LRRC8D: variants seen among roughly 807,000 people sequenced by gnomAD.
The protein encoded by LRRC8D is volume-regulated anion channel subunit LRRC8D.
In LRRC8D, 20 loss-of-function variants were observed where a neutral mutation model predicts 55.8. That is an observed-to-expected ratio of 0.36 (90% CI 0.25 to 0.52). LRRC8D has a LOEUF of 0.52. Ranked by LOEUF, LRRC8D falls within the 20% of genes least tolerant of loss-of-function variation. The pLI, the probability that LRRC8D is intolerant of heterozygous loss-of-function variation, is 0.93. For synonymous variants in LRRC8D, 352 were observed against 377.0 expected (o/e 0.93, Z 0.77); for missense variants, 651 against 1,030.8 (o/e 0.63, Z 5.05).
intron 2 of LRRC8D, among the ~76,000 whole-genome samples, chr1:89,879,622 A>G (rs1022299825): frequency 7.9e-5 from 12 of 152,206 alleles, no homozygotes; most frequent in African/African-American, 2.9e-4. Context: ...TTCTTAAATC[A>G]TAGGTGAATG....
At chr1:89,840,085 G>T (rs1570808642) in intron 1 of LRRC8D, among the ~76,000 whole-genome samples, 1 of 152,214 alleles carries the variant, frequency 6.6e-6, no homozygotes, top group African/African-American at 2.4e-5. Flanking sequence ...TACTTAGGGA[G>T]TGGAGACTTT....
chr1:89,882,070 A>C (rs1042245440), intron 2 of LRRC8D, among the ~76,000 whole-genome samples: 6 of 152,210 alleles, frequency 3.9e-5, no homozygotes, highest in African/African-American at 1.4e-4. Context: ...CACTGCCATC[A>C]GAGTTAGGAC....
intron 1 of LRRC8D, among the ~76,000 whole-genome samples, chr1:89,822,950 A>G (rs1660676395): frequency 1.3e-5 from 2 of 152,218 alleles, no homozygotes; most frequent in Admixed American, 1.3e-4. Flanking sequence ...TAGGTGGTTA[A>G]AACAGGGGTC....
chr1:89,873,621 T>G (rs1226665531), intron 2 of LRRC8D, among the ~76,000 whole-genome samples: 1 of 152,172 alleles, frequency 6.6e-6, no homozygotes, highest in East Asian at 1.9e-4. Context: ...AACTGAAGAG[T>G]TAAAATATGA....
intron 2 of LRRC8D, among the ~76,000 whole-genome samples, chr1:89,921,060 C>T (rs895217050): frequency 6.6e-6 from 1 of 152,186 alleles, no homozygotes; most frequent in Non-Finnish European, 1.5e-5. Context: ...GTAGTTAATT[C>T]ATGCCTACAT....
chr1:89,908,935 G>C (rs1170819186), intron 2 of LRRC8D, among the ~76,000 whole-genome samples: 1 of 152,130 alleles, frequency 6.6e-6, no homozygotes, highest in African/African-American at 2.4e-5. Flanking sequence ...TTTTAAACCA[G>C]TGGAAAATAC....
chr1:89,908,364 CTAAG>C (rs1431798502), intron 2 of LRRC8D, among the ~76,000 whole-genome samples: 1 of 152,180 alleles, frequency 6.6e-6, no homozygotes, highest in African/African-American at 2.4e-5. Context: ...CTGAGCGAGA[CTAAG>C]TATTTCAACC....
intron 2 of LRRC8D, among the ~76,000 whole-genome samples, chr1:89,891,638 C>G (rs1295303275): frequency 6.6e-6 from 1 of 152,104 alleles, no homozygotes; most frequent in Non-Finnish European, 1.5e-5. Context: ...TGGAATTCTG[C>G]TTTAAGAAAG....
chr1:89,915,836 AATAG>A (rs1204408292), intron 2 of LRRC8D, among the ~76,000 whole-genome samples: 3 of 152,236 alleles, frequency 2.0e-5, no homozygotes, highest in Non-Finnish European at 4.4e-5. Flanking sequence ...TTGAGAGTTA[AATAG>A]ATGTGCTTTA....
chr1:89,877,678 C>A (rs1406745043), intron 2 of LRRC8D, among the ~76,000 whole-genome samples: 3 of 152,136 alleles, frequency 2.0e-5, no homozygotes, highest in Non-Finnish European at 4.4e-5. Flanking sequence ...TCACCTCCTT[C>A]CACGCAGGTT....
intron 2 of LRRC8D, among the ~76,000 whole-genome samples, chr1:89,889,635 A>G (rs1179570235): frequency 6.6e-6 from 1 of 151,588 alleles, no homozygotes; most frequent in Admixed American, 6.6e-5. Context: ...TAATCCCCGC[A>G]CTTTGGGAGG....
At chr1:89,929,669 T>G (rs1309031679) in intron 2 of LRRC8D, 2 of 152,234 alleles carry the variant, frequency 1.3e-5, no homozygotes, top group Non-Finnish European at 2.9e-5. Flanking sequence ...GTTAGGCAAT[T>G]TCATTGTTGT....
At chr1:89,920,806 G>C (rs1431212354) in intron 2 of LRRC8D, among the ~76,000 whole-genome samples, 1 of 151,640 alleles carries the variant, frequency 6.6e-6, no homozygotes, top group South Asian at 2.1e-4. Flanking sequence ...TGGGTGTGCT[G>C]TGTGAGTATC....
At chr1:89,889,909 C>T (rs528780182) in intron 2 of LRRC8D, among the ~76,000 whole-genome samples, 152 of 147,188 alleles carry the variant, frequency 1.0e-3, no homozygotes, top group African/African-American at 3.7e-3. Context: ...TAAAATAGGC[C>T]GGATGCGGTG....
At chr1:89,822,626 A>G (rs536252618) in intron 1 of LRRC8D, among the ~76,000 whole-genome samples, 1 of 152,282 alleles carries the variant, frequency 6.6e-6, no homozygotes, top group African/African-American at 2.4e-5. Flanking sequence ...CCCCGTTTGC[A>G]GTAATGATGA....
chr1:89,844,483 CTG>C (rs1312381807), intron 2 of LRRC8D, among the ~76,000 whole-genome samples: 1 of 152,152 alleles, frequency 6.6e-6, no homozygotes, highest in Non-Finnish European at 1.5e-5. Context: ...GTTAACTCCA[CTG>C]TGGTTTCTGA....
At chr1:89,915,263 T>G (rs1239170314) in intron 2 of LRRC8D, among the ~76,000 whole-genome samples, 1 of 152,164 alleles carries the variant, frequency 6.6e-6, no homozygotes, top group Admixed American at 6.5e-5. Flanking sequence ...CACCTCAGTC[T>G]TATATATTTC....
chr1:89,936,006 CT>C lies in LRRC8D; in HGVS notation c.*367del, dbSNP rs1247862900. The C allele has an allele frequency of 5.2e-6, 1 of 194,142 alleles. No homozygotes were observed. Among genetic ancestry groups the C allele is most frequent in the Non-Finnish European group, 1.2e-5 (1 of 85,276 alleles). The allele number at this position is 194,142 out of a possible 1,614,324, so 12.0% of individuals were successfully genotyped here. A position where few individuals can be genotyped will look rare whatever the true frequency, so the allele number is the denominator to read the frequency against. Reference sequence around the variant, plus strand: ...AATTGACATTTTCTTACTATATCACCTTTTTTGAGGGGTCTTAATTTACTTT... The same window carrying C: ...AATTGACATTTTCTTACTATATCACCTTTTTGAGGGGTCTTAATTTACTTT... On this transcript the variant is annotated 3_prime_UTR_variant, in exon 3 of 3. Transcript: ENST00000337338.
rs553981913 is a variant in LRRC8D at position 89,911,177 on chromosome 1, G to GT, written c.-2-21877dup. 1.5e-3 allele frequency among the ~76,000 whole-genome samples: 220 copies of GT among 142,930 alleles called. 3 individuals carry two copies. The highest frequency in any genetic ancestry group is 5.9e-3 in the Admixed American group (84 of 14,318). 93.8% of individuals were successfully genotyped at this position (142,930 alleles called of 152,430 possible). A position where few individuals can be genotyped will look rare whatever the true frequency, so the allele number is the denominator to read the frequency against. On this transcript the variant is annotated intron_variant, in intron 2 of 2. Transcript: ENST00000337338. This position sits in a 1 kb window ranked among gnomAD's most constrained non-coding sequence, Gnocchi z 4.0. The stretch of plus-strand genomic sequence containing the variant: ...ACTCATATGTCCATGCATTTTTGGG[G>GT]TTTTTTTTTTTTTAGTTATATAGTT...
Sources: gnomAD v4.1 joint callset for allele counts (sites outside exome capture counted in the v4.1 genomes callset) on GRCh38, gnomAD v4.1.1 for gene constraint, Gnocchi (gnomAD v3.1) non-coding constraint, MANE v1.5 for transcripts, NCBI Gene and HGNC (gene_info 2026-07-23, HGNC 2026-07-21) for gene names.